The following KDM1B variants were observed in gnomAD, a reference collection of about 807,000 sequenced individuals.
KDM1B encodes the protein lysine-specific histone demethylase 2.
In KDM1B, 63 loss-of-function variants were observed where a neutral mutation model predicts 107.4. The ratio of observed to expected loss-of-function variants is 0.59; its 90% confidence interval spans 0.48 to 0.72. KDM1B has a LOEUF of 0.72. Among genes scored for constraint, KDM1B ranks in the 30% least tolerant of loss-of-function variants. The probability of loss-of-function intolerance (pLI) is 0.00; values close to 1 mark genes in which losing one functional copy is unlikely to be tolerated. For synonymous variants in KDM1B, 363 were observed against 363.9 expected, an observed-to-expected ratio of 1.00 and a Z score of 0.03; for missense variants, 749 against 1,020.8, an observed-to-expected ratio of 0.73 and a Z score of 3.63.
At chr6:18,165,635 C>T (rs912315463) in intron 5 of KDM1B, among the ~76,000 whole-genome samples, 2 of 151,994 alleles carry the variant, frequency 1.3e-5, no homozygotes, top group Non-Finnish European at 2.9e-5. Context: ...CCAGCCTGGC[C>T]AACATGACGA....
chr6:18,221,983 A>T lies in KDM1B; in HGVS notation c.2460A>T (p.Ala820=), dbSNP rs770111551. The T allele has an allele frequency of 8.7e-6, 14 of 1,613,970 alleles. No individual in the cohort carries two copies. The highest frequency in any genetic ancestry group is 1.0e-5 in the Non-Finnish European group (12 of 1,179,952). ...LSGVREASKI[A]AF ...GCGTTCGAGAAGCAAGCAAGATTGC[A>T]GCATTTTAAGAATTCGGTGGACCCA... The change falls in exon 22 of 22, where the codon GCA becomes GCT. Residue 820 remains alanine (A), a synonymous_variant. Coordinates refer to ENST00000650836, the MANE Select transcript of KDM1B (RefSeq NM_001364614.2).
chr6:18,192,119 A>T (rs1787318175), intron 10 of KDM1B, among the ~76,000 whole-genome samples: 1 of 151,968 alleles, frequency 6.6e-6, no homozygotes, highest in Middle Eastern at 3.2e-3. Flanking sequence ...AAAATTAGCC[A>T]TGTGTGGTGG....
At chr6:18,207,295 T>G (rs1788446164) in intron 15 of KDM1B, 103 bp from the exon 16 acceptor site, 2 of 1,310,506 alleles carry the variant, frequency 1.5e-6, no homozygotes, top group African/African-American at 2.9e-5. Context: ...TCCCCTGCCC[T>G]CCTGCCTTGG....
intron 6 of KDM1B, among the ~76,000 whole-genome samples, chr6:18,170,857 G>T (rs1057251950): frequency 6.7e-6 from 1 of 150,326 alleles, no homozygotes; most frequent in Non-Finnish European, 1.5e-5. Flanking sequence ...GTCTTGCTCC[G>T]TTGCCCAGGC....
At chr6:18,171,542 T>C in intron 7 of KDM1B, 63 bp downstream of exon 7, 1 of 887,910 alleles carries the variant, frequency 1.1e-6, no homozygotes, top group Admixed American at 1.8e-5. Context: ...ATAGTAATGG[T>C]GTATATGTTT....
chr6:18,215,678 C>G (rs1789166719), intron 20 of KDM1B, among the ~76,000 whole-genome samples: 2 of 152,020 alleles, frequency 1.3e-5, no homozygotes, highest in Non-Finnish European at 2.9e-5. Flanking sequence ...TAACAGTGCC[C>G]TGTACCTTTT....
In KDM1B at chr6:18,166,290, A is replaced by T; in HGVS notation, c.329A>T (p.Tyr110Phe). The change falls in exon 6 of 22, where the codon TAT (tyrosine) becomes TTT (phenylalanine). Residue 110 changes from tyrosine to phenylalanine, a missense_variant. By Grantham distance (22) the Tyr-to-Phe change is conservative. Coordinates refer to ENST00000650836, the MANE Select transcript of KDM1B (RefSeq NM_001364614.2). ...AGCCATAAGGATGGATATGACAAAT[A>T]TACTACATGGAAAAAAATATGGACT... is the stretch of plus-strand genomic sequence containing the variant. ...YRSHKDGYDK[Y>F]TTWKKIWTSN... 6.2e-7 allele frequency: 1 copy of T among 1,600,248 alleles called. No individual in the cohort carries two copies. The highest frequency in any genetic ancestry group is 2.2e-5 in the East Asian group (1 of 44,824).
In KDM1B at chr6:18,201,224, T is replaced by G. The variant is rs763275129; in HGVS notation, c.1360-262T>G. 9.9e-5 allele frequency among the ~76,000 whole-genome samples: 15 copies of G among 152,208 alleles called. No individual in the cohort carries two copies. The highest frequency in any genetic ancestry group is 2.2e-4 in the Non-Finnish European group (15 of 68,034). ...AGGCAGTGTCTAGCATCTGAAACATTAGCCAAAAAGTTACAATGGGCATGG... is the reference window on the plus strand; with the variant it reads ...AGGCAGTGTCTAGCATCTGAAACATGAGCCAAAAAGTTACAATGGGCATGG... On this transcript the variant is annotated intron_variant, in intron 13 of 21. Transcript: ENST00000650836. The surrounding 1 kb of genome is among the most constrained non-coding windows in gnomAD (Gnocchi z 4.3).
Position 18,166,398 on chromosome 6 carries a change from C to A in KDM1B, c.417+20C>A. 7.1e-7 allele frequency: 1 copy of A among 1,406,588 alleles called. No individual in the cohort carries two copies. Among genetic ancestry groups the A allele is most frequent in the Non-Finnish European group, 1.0e-6 (1 of 991,344 alleles). The allele number at this position is 1,406,588 out of a possible 1,614,324, so 87.1% of individuals were successfully genotyped here. A position where few individuals can be genotyped will look rare whatever the true frequency, so the allele number is the denominator to read the frequency against. ...TACTGGGTAAGGAGAGTGATGCTCT[C>A]TGTCTGTGAAGTATTTGTGGAGCCA... On this transcript the variant is annotated intron_variant, in intron 6 of 21. Coordinates refer to ENST00000650836, the MANE Select transcript of KDM1B (RefSeq NM_001364614.2).
chr6:18,221,134 A>T (rs1043326894), intron 21 of KDM1B, among the ~76,000 whole-genome samples: 1 of 151,686 alleles, frequency 6.6e-6, no homozygotes, highest in Admixed American at 6.6e-5. Flanking sequence ...TCACTCCCCC[A>T]TTCATTGAAG....
rs965136887 is a variant in KDM1B at position 18,223,799 on chromosome 6, C to T, written c.*1807C>T. The T allele has an allele frequency of 3.3e-5, 5 of 152,170 alleles. No homozygotes were observed. Among genetic ancestry groups the T allele is most frequent in the African/African-American group, 1.2e-4 (5 of 41,446 alleles). The allele number at this position is 152,170 out of a possible 1,614,324, so 9.4% of individuals were successfully genotyped here. A position where few individuals can be genotyped will look rare whatever the true frequency, so the allele number is the denominator to read the frequency against. ...ATACAGATTTACAATGTTTTAACTA[C>T]AGTTCATGAATAGCTGGTTGTGTAA... On this transcript the variant is annotated 3_prime_UTR_variant, in exon 22 of 22. Transcript: ENST00000650836.
intron 7 of KDM1B, among the ~76,000 whole-genome samples, chr6:18,178,649 C>A (rs1786215379): frequency 6.6e-6 from 1 of 152,150 alleles, no homozygotes. Context: ...CCTTGGCCTC[C>A]CAAAGTGCTG....
chr6:18,156,079 C>T (rs1202060701), intron 2 of KDM1B, among the ~76,000 whole-genome samples, 153 bp downstream of exon 2: 1 of 152,196 alleles, frequency 6.6e-6, no homozygotes, highest in African/African-American at 2.4e-5. Flanking sequence ...AGTAGGAACT[C>T]CCTCGCTTGT....
chr6:18,221,959 C>T lies in KDM1B; in HGVS notation c.2436C>T (p.Gly812=), dbSNP rs771110848. The change falls in exon 22 of 22, where the codon GGC becomes GGT. Residue 812 remains glycine, a synonymous_variant. Coordinates refer to ENST00000650836, the MANE Select transcript of KDM1B (RefSeq NM_001364614.2). ...CTGTTACAGGGGCATATTTGAGTGG[C>T]GTTCGAGAAGCAAGCAAGATTGCAG... is the stretch of plus-strand genomic sequence containing the variant. The part of the protein sequence containing the change: ...PQTVTGAYLS[G]VREASKIAAF 29 of 1,613,688 alleles carry T rather than the reference C, an allele frequency of 1.8e-5. No individual in the cohort carries two copies. The highest frequency in any genetic ancestry group is 2.5e-5 in the Non-Finnish European group (29 of 1,179,822).
Position 18,161,305 on chromosome 6 carries a change from ACAT to A in KDM1B, c.88-19_88-17del, listed in dbSNP as rs1784955806. On this transcript the variant is annotated intron_variant, in intron 3 of 21. Transcript: ENST00000650836. ...TTTTGCCATCATCAGTGAAATTTTA[ACAT>A]CAGCTGTGACTCCCTTAGGCGAAGA... 1 of 1,612,068 alleles carries A rather than the reference ACAT, an allele frequency of 6.2e-7. No homozygotes were observed.
At chr6:18,176,666 C>T (rs13216570) in intron 7 of KDM1B, among the ~76,000 whole-genome samples, 1 of 152,168 alleles carries the variant, frequency 6.6e-6, no homozygotes, top group Non-Finnish European at 1.5e-5. Context: ...AATCATAAAG[C>T]GTTGCTGGAT....
intron 7 of KDM1B, among the ~76,000 whole-genome samples, chr6:18,173,998 C>G (rs972417262): frequency 9.9e-5 from 15 of 152,146 alleles, no homozygotes; most frequent in African/African-American, 3.6e-4. Context: ...GTTGGCCAGG[C>G]TGGTCTCGGA....
At chr6:18,177,296 G>GAAAA (rs1786087561) in intron 7 of KDM1B, among the ~76,000 whole-genome samples, 1 of 151,848 alleles carries the variant, frequency 6.6e-6, no homozygotes, top group Admixed American at 6.6e-5. Context: ...GTATTTCAGT[G>GAAAA]GTGTCAGTTG....
chr6:18,173,090 C>CAA lies in KDM1B; in HGVS notation c.534+1626_534+1627dup, dbSNP rs70974708. 2.2e-3 allele frequency among the ~76,000 whole-genome samples: 279 copies of CAA among 126,418 alleles called. 1 individual carries two copies. Among genetic ancestry groups the CAA allele is most frequent in the African/African-American group, 7.7e-3 (256 of 33,146 alleles). The allele number at this position is 126,418 out of a possible 152,430, so 82.9% of individuals were successfully genotyped here. On this transcript the variant is annotated intron_variant, in intron 7 of 21. Transcript: ENST00000650836. ...GGGCAACAAGAGTGAAACTCCATCT[C>CAA]AAAAAAAAAAAAAAAAGTGTAATCA...
Sources: allele counts gnomAD v4.1 joint callset (sites outside exome capture counted in the v4.1 genomes callset), GRCh38; gene constraint gnomAD v4.1.1; non-coding constraint Gnocchi (gnomAD v3.1); transcripts MANE v1.5; gene names NCBI Gene and HGNC (gene_info 2026-07-23, HGNC 2026-07-21).